Variants in PCSK5 observed in about 807,000 individuals in gnomAD.
PCSK5 encodes the protein prohormone convertase 5.
Under a neutral mutation model 233.2 loss-of-function variants are expected in PCSK5, and 129 were observed. The observed-to-expected ratio is 0.55, with a 90% confidence interval of 0.48 to 0.64. The LOEUF is 0.64. Among genes scored for constraint, PCSK5 ranks in the 30% least tolerant of loss-of-function variants. The pLI, the probability that PCSK5 is intolerant of heterozygous loss-of-function variation, is 0.00. For synonymous variants in PCSK5, 825 were observed against 879.2 expected, an observed-to-expected ratio of 0.94 and a Z score of 1.09; for missense variants, 2,076 against 2,430.1, an observed-to-expected ratio of 0.85 and a Z score of 3.06.
chr9:76,319,998 T>C (rs1276818468), intron 30 of PCSK5, among the ~76,000 whole-genome samples: 1 of 152,116 alleles, frequency 6.6e-6, no homozygotes, highest in Non-Finnish European at 1.5e-5. Context: ...GTCAATCACT[T>C]AGAAGGTTCA....
rs146609760 is a variant in PCSK5 at position 76,029,832 on chromosome 9, T to C, written c.632+2795T>C. Among the ~76,000 whole-genome samples the C allele has an allele frequency of 5.2e-3, 799 of 152,328 alleles. 4 individuals carry two copies. Among genetic ancestry groups the C allele is most frequent in the Middle Eastern group, 0.031 (9 of 294 alleles). ...GGCAAGTTTTCTTAAGGGGCTATTA[T>C]TGACTTTACAAGTCAAGTTTGATTC... On this transcript the variant is annotated intron_variant, in intron 5 of 37. Coordinates refer to ENST00000674117, the MANE Select transcript of PCSK5 (RefSeq NM_001372043.1).
intron 24 of PCSK5, among the ~76,000 whole-genome samples, chr9:76,284,558 G>A (rs1587834570): frequency 8.1e-6 from 1 of 123,264 alleles, no homozygotes; most frequent in East Asian, 2.5e-4. Flanking sequence ...TTGAGGCAGA[G>A]TTTCGCTCTT....
At chr9:75,965,165 C>A (rs1825520994) in intron 2 of PCSK5, among the ~76,000 whole-genome samples, 1 of 152,072 alleles carries the variant, frequency 6.6e-6, no homozygotes, top group South Asian at 2.1e-4. Context: ...AATTTGTAGG[C>A]CTTTAGTACG....
intron 2 of PCSK5, among the ~76,000 whole-genome samples, chr9:75,984,856 C>T (rs757578875): frequency 2.0e-5 from 3 of 152,122 alleles, no homozygotes; most frequent in Non-Finnish European, 4.4e-5. Context: ...AGAAAATGTA[C>T]GTGCAAACCC....
intron 24 of PCSK5, among the ~76,000 whole-genome samples, chr9:76,271,820 C>A (rs1235278284): frequency 3.3e-5 from 5 of 152,174 alleles, no homozygotes; most frequent in Admixed American, 1.3e-4. Context: ...CTCTTTCTGG[C>A]TCCTTGTGGC....
rs558583010 is a variant in PCSK5, at chr9:75,993,280, G to GTA, written c.411+7035_411+7036insTA. On this transcript the variant is annotated intron_variant, in intron 3 of 37. Transcript: ENST00000674117. ...CCAGTGAGGCAGTAAATAATGGACT[G>GTA]GTAGGAACTAGTAAGAGTTGAGATG... Among the ~76,000 whole-genome samples the GTA allele has an allele frequency of 7.5e-4, 114 of 152,148 alleles. 3 individuals are homozygous for GTA. In the South Asian group the frequency reaches 0.023, roughly 31 times the overall value.
In PCSK5 at chr9:76,239,150, T is replaced by G. The variant is rs753624360; in HGVS notation, c.3058T>G (p.Leu1020Val). 1.7e-4 allele frequency: 271 copies of G among 1,584,312 alleles called. No individual in the cohort carries two copies. The highest frequency in any genetic ancestry group is 2.2e-4 in the Non-Finnish European group (258 of 1,165,588). The change falls in exon 23 of 38, where the codon TTA becomes GTA. Residue 1020 changes from leucine (L) to valine (V), a missense_variant. By Grantham distance (32) the Leu-to-Val change is conservative (BLOSUM62 1). This residue lies in a region of PCSK5 where 1,510 missense variants were observed against 1,538.1 expected (regional missense o/e 0.98). Coordinates refer to ENST00000674117, the MANE Select transcript of PCSK5 (RefSeq NM_001372043.1). ...IAPTNHTCQKLECGQGEVQDP... is the reference protein window; with the variant it reads ...IAPTNHTCQKVECGQGEVQDP... Reference sequence around the variant, plus strand: ...GCCCACCAACCACACATGCCAGAAGTTAGAGTGTGGACAAGGTAAGCCTGC... The same window carrying G: ...GCCCACCAACCACACATGCCAGAAGGTAGAGTGTGGACAAGGTAAGCCTGC...
chr9:76,212,061 AC>A (rs1266950794), intron 20 of PCSK5, among the ~76,000 whole-genome samples: 1 of 152,154 alleles, frequency 6.6e-6, no homozygotes, highest in Non-Finnish European at 1.5e-5. Flanking sequence ...CACTGAGACC[AC>A]TGTGAGAAAA....
At chr9:76,320,079 C>T (rs965531229) in intron 30 of PCSK5, among the ~76,000 whole-genome samples, 2 of 152,056 alleles carry the variant, frequency 1.3e-5, no homozygotes, top group South Asian at 4.1e-4. Context: ...GGGCCACTAC[C>T]GGTTTCCGCA....
intron 36 of PCSK5, among the ~76,000 whole-genome samples, chr9:76,351,564 G>A (rs1830162062): frequency 7.1e-6 from 1 of 141,564 alleles, no homozygotes; most frequent in South Asian, 2.5e-4. Flanking sequence ...GAGAGAGAGA[G>A]AAGGAAGGGA....
Position 76,296,719 on chromosome 9 carries a change from G to A in PCSK5, c.3377G>A (p.Gly1126Glu). 1 of 1,612,546 alleles carries A rather than the reference G, an allele frequency of 6.2e-7. No individual in the cohort carries two copies. The highest frequency in any genetic ancestry group is 8.5e-7 in the Non-Finnish European group (1 of 1,179,632). Reference protein sequence around the residue: ...GPGFYGDQEMGECESCHRACE... With the variant: ...GPGFYGDQEMEECESCHRACE... ...GGATTCTATGGTGACCAAGAAATGG[G>A]AGAATGTGAGTCCTGCCACCGAGCA... The change falls in exon 27 of 38, where the codon GGA becomes GAA. Residue 1126 changes from glycine (G) to glutamate (E), a missense_variant. By Grantham distance (98) the Gly-to-Glu change is moderately conservative. Transcript: ENST00000674117.
rs61537466 is a variant in PCSK5 at position 75,928,596 on chromosome 9, C to CATATATAT, written c.193-3747_193-3740dup. 6.5e-3 allele frequency among the ~76,000 whole-genome samples: 443 copies of CATATATAT among 68,326 alleles called. 21 individuals carry two copies. The highest frequency in any genetic ancestry group is 8.2e-3 in the Non-Finnish European group (282 of 34,532). The allele number at this position is 68,326 out of a possible 152,430, so 44.8% of individuals were successfully genotyped here. Reference sequence around the variant, plus strand: ...ATAAACATGCTTTTACATATAAATACATATATATATATATATATATATATA... The same window carrying CATATATAT: ...ATAAACATGCTTTTACATATAAATACATATATATATATATATATATATATATATATATA... On this transcript the variant is annotated intron_variant, in intron 1 of 37. Coordinates refer to ENST00000674117, the MANE Select transcript of PCSK5 (RefSeq NM_001372043.1).
At chr9:76,095,692 T>G (rs1424462303) in intron 7 of PCSK5, among the ~76,000 whole-genome samples, 198 bp from the exon 8 acceptor site, 1 of 152,158 alleles carries the variant, frequency 6.6e-6, no homozygotes, top group Non-Finnish European at 1.5e-5. Flanking sequence ...TGTCATTATG[T>G]GTACTCTTGT....
chr9:75,895,478 G>T (rs1359452270), intron 1 of PCSK5, among the ~76,000 whole-genome samples: 1 of 152,206 alleles, frequency 6.6e-6, no homozygotes, highest in East Asian at 1.9e-4. Flanking sequence ...TGAATTGTAA[G>T]AACCATATCA....
At chr9:76,282,286 TTTTTA>T (rs1827901411) in intron 24 of PCSK5, among the ~76,000 whole-genome samples, 2 of 147,804 alleles carry the variant, frequency 1.4e-5, no homozygotes, top group Middle Eastern at 3.8e-3. Context: ...CCTGGCCAAT[TTTTTA>T]TTTTATTTCC....
chr9:76,105,437 A>G (rs2131675773), intron 8 of PCSK5, among the ~76,000 whole-genome samples: 1 of 152,332 alleles, frequency 6.6e-6, no homozygotes, highest in South Asian at 2.1e-4. Flanking sequence ...AAGATGAAAA[A>G]GCCTAGTGAT....
chr9:76,133,373 T>C (rs1822837808), intron 9 of PCSK5, among the ~76,000 whole-genome samples: 1 of 152,068 alleles, frequency 6.6e-6, no homozygotes, highest in African/African-American at 2.4e-5. Context: ...TGTTTCTGTG[T>C]GATTATGATT....
At chr9:76,199,781 T>G (rs1007358466) in intron 20 of PCSK5, among the ~76,000 whole-genome samples, 6 of 152,148 alleles carry the variant, frequency 3.9e-5, no homozygotes, top group African/African-American at 1.4e-4. Context: ...TCTTAAAATA[T>G]ATATAGATTC....
At chr9:76,026,192 AT>A (rs973224659) in intron 4 of PCSK5, among the ~76,000 whole-genome samples, 1 of 152,182 alleles carries the variant, frequency 6.6e-6, no homozygotes, top group Non-Finnish European at 1.5e-5. Flanking sequence ...GTAACTAGTA[AT>A]TTTTTTTCAG....
Sources: gnomAD v4.1 joint callset for allele counts (sites outside exome capture counted in the v4.1 genomes callset) on GRCh38, gnomAD v4.1.1 for gene constraint, gnomAD v4.1.1 regional missense constraint, MANE v1.5 for transcripts, NCBI Gene and HGNC (gene_info 2026-07-23, HGNC 2026-07-21) for gene names.